The following PPARGC1A variants were observed in gnomAD, a reference collection of about 807,000 sequenced individuals.
The protein encoded by PPARGC1A is peroxisome proliferator-activated receptor gamma coactivator 1-alpha.
A neutral mutation model predicts 88.7 loss-of-function variants in PPARGC1A; 25 were observed. That is an observed-to-expected ratio of 0.28 (90% CI 0.21 to 0.39). PPARGC1A has a LOEUF of 0.39. Among genes scored for constraint, PPARGC1A ranks in the 10% least tolerant of loss-of-function variants. PPARGC1A has a pLI of 1.00. For missense variants in PPARGC1A, 880 were observed against 968.7 expected, an observed-to-expected ratio of 0.91 and a Z score of 1.22; for synonymous variants, 363 against 355.6, an observed-to-expected ratio of 1.02 and a Z score of -0.24.
At chr4:24,038,265 C>T in the PPARGC1A span, among the ~76,000 whole-genome samples, 1 of 152,296 alleles carries the variant, frequency 6.6e-6, no homozygotes, top group Non-Finnish European at 1.5e-5. Flanking sequence ...TCTACAAAAC[C>T]AGACCTGGAT....
intron 12 of PPARGC1A, 76 bp downstream of exon 12, chr4:23,801,653 TG>T: frequency 6.7e-7 from 1 of 1,490,040 alleles, no homozygotes; most frequent in Non-Finnish European, 9.3e-7. Context: ...CAACCCAAGG[TG>T]CCTACGGATT....
At chr4:24,214,015 G>A in the PPARGC1A span, among the ~76,000 whole-genome samples, 130,905 of 152,236 alleles carry the variant, frequency 0.86, 56,876 homozygotes, top group East Asian at 0.96. Flanking sequence ...TTCACTGAGC[G>A]CTGTAGCGAT....
chr4:24,190,882 G>C, the PPARGC1A span, among the ~76,000 whole-genome samples: 6 of 152,194 alleles, frequency 3.9e-5, no homozygotes, highest in Admixed American at 6.5e-5. Context: ...CCCTCAAGAG[G>C]AACATCAGTT....
At chr4:23,999,108 T>C in the PPARGC1A span, among the ~76,000 whole-genome samples, 1 of 152,332 alleles carries the variant, frequency 6.6e-6, no homozygotes, top group Non-Finnish European at 1.5e-5. Flanking sequence ...GAAAACAGCA[T>C]ATGTAGTACT....
intron 7 of PPARGC1A, among the ~76,000 whole-genome samples, chr4:23,823,582 T>C (rs60465755): frequency 0.019 from 2,835 of 152,156 alleles, 87 homozygotes; most frequent in African/African-American, 0.064. Context: ...TAAACATATA[T>C]GTAAGTTATA....
chr4:23,802,064 A>T (rs775736561), intron 11 of PPARGC1A, among the ~76,000 whole-genome samples, 160 bp downstream of exon 11: 6 of 152,214 alleles, frequency 3.9e-5, no homozygotes, highest in Non-Finnish European at 8.8e-5. Flanking sequence ...TCAACTAGAA[A>T]GATTAATAAA....
chr4:23,849,473 C>T (rs1030753517), intron 2 of PPARGC1A, among the ~76,000 whole-genome samples: 1 of 151,984 alleles, frequency 6.6e-6, no homozygotes, highest in Admixed American at 6.6e-5. Context: ...ATATTGCCTT[C>T]AATTTGGAAT....
At chr4:24,390,130 T>C in the PPARGC1A span, among the ~76,000 whole-genome samples, 1 of 152,066 alleles carries the variant, frequency 6.6e-6, no homozygotes, top group African/African-American at 2.4e-5. Flanking sequence ...TGAAAACTGT[T>C]TTAGCAGCCA....
chr4:24,082,180 C>G, the PPARGC1A span, among the ~76,000 whole-genome samples: 1 of 152,202 alleles, frequency 6.6e-6, no homozygotes, highest in African/African-American at 2.4e-5. Flanking sequence ...CGGCAGCAAA[C>G]TTTCAATCCA....
chr4:24,133,056 A>G, the PPARGC1A span, among the ~76,000 whole-genome samples: 1 of 152,072 alleles, frequency 6.6e-6, no homozygotes, highest in Non-Finnish European at 1.5e-5. Flanking sequence ...TTTTAATAGA[A>G]TATTGATATT....
At chr4:24,305,851 G>T in the PPARGC1A span, among the ~76,000 whole-genome samples, 1 of 152,064 alleles carries the variant, frequency 6.6e-6, no homozygotes, top group Admixed American at 6.6e-5. Context: ...TATCATTATT[G>T]GGATGCCTGG....
At chr4:24,426,391 A>G in the PPARGC1A span, among the ~76,000 whole-genome samples, 27 of 152,330 alleles carry the variant, frequency 1.8e-4, no homozygotes, top group African/African-American at 6.3e-4. Flanking sequence ...ATAAACTTCA[A>G]TCTCCTTGAC....
chr4:24,460,392 A>G, the PPARGC1A span, among the ~76,000 whole-genome samples: 6 of 152,194 alleles, frequency 3.9e-5, no homozygotes, highest in African/African-American at 1.4e-4. Context: ...ACATCATCAT[A>G]CTTGATTATA....
At chr4:24,439,068 TCCTTC>T in the PPARGC1A span, among the ~76,000 whole-genome samples, 1 of 152,060 alleles carries the variant, frequency 6.6e-6, no homozygotes, top group Non-Finnish European at 1.5e-5. Flanking sequence ...TTCCAGTATC[TCCTTC>T]CCTCTCCCCC....
chr4:23,835,278 A>G (rs1324015113), intron 2 of PPARGC1A, among the ~76,000 whole-genome samples: 1 of 152,226 alleles, frequency 6.6e-6, no homozygotes, highest in African/African-American at 2.4e-5. Context: ...TAAATCAACC[A>G]GTTTTCTCCA....
At chr4:23,827,617 AG>A (rs1724198703) in intron 5 of PPARGC1A, among the ~76,000 whole-genome samples, 1 of 152,172 alleles carries the variant, frequency 6.6e-6, no homozygotes, top group Non-Finnish European at 1.5e-5. Flanking sequence ...CTGCCAAGAG[AG>A]GTTTTCCCCA....
At chr4:23,827,605 C>A (rs1229975449) in intron 5 of PPARGC1A, among the ~76,000 whole-genome samples, 2 of 152,156 alleles carry the variant, frequency 1.3e-5, no homozygotes, top group Non-Finnish European at 2.9e-5. Flanking sequence ...AAAATTGTAT[C>A]TCTGCCAAGA....
At chr4:24,350,301 C>T in the PPARGC1A span, among the ~76,000 whole-genome samples, 1 of 152,106 alleles carries the variant, frequency 6.6e-6, no homozygotes, top group Non-Finnish European at 1.5e-5. Context: ...CACGGCGCCC[C>T]CTGGGAAATG....
chr4:23,983,975 T>C, the PPARGC1A span, among the ~76,000 whole-genome samples: 1 of 152,114 alleles, frequency 6.6e-6, no homozygotes, highest in Non-Finnish European at 1.5e-5. Context: ...GTACATTTTC[T>C]TTAGTAATAA....
Sources: gnomAD v4.1 joint callset for allele counts (sites outside exome capture counted in the v4.1 genomes callset) on GRCh38, gnomAD v4.1.1 for gene constraint, MANE v1.5 for transcripts, NCBI Gene and HGNC (gene_info 2026-07-23, HGNC 2026-07-21) for gene names.